Variants in SRPK1 observed in about 807,000 individuals in gnomAD.
The protein encoded by SRPK1 is SFRS protein kinase 1.
In SRPK1, 52 loss-of-function variants were observed where a neutral mutation model predicts 89.5. That is an observed-to-expected ratio of 0.58 (90% CI 0.46 to 0.73). The LOEUF (loss-of-function observed/expected upper bound fraction) is 0.73, where lower values mean the gene tolerates loss of function less well. SRPK1 is among the 30% of genes least tolerant of loss of function. SRPK1 has a pLI of 0.00. For missense variants in SRPK1, 603 were observed against 780.6 expected (o/e 0.77, Z 2.71); for synonymous variants, 255 against 270.2 (o/e 0.94, Z 0.55).
chr6:35,910,274 C>T (rs140375992), intron 2 of SRPK1, among the ~76,000 whole-genome samples: 1 of 152,140 alleles, frequency 6.6e-6, no homozygotes, highest in Non-Finnish European at 1.5e-5. Context: ...TGAGCCACCA[C>T]GCCCAGCTTG....
At chr6:35,847,516 T>A (rs1369524220) in intron 13 of SRPK1, among the ~76,000 whole-genome samples, 1 of 152,116 alleles carries the variant, frequency 6.6e-6, no homozygotes, top group Non-Finnish European at 1.5e-5. Flanking sequence ...CCTGACATGA[T>A]CCTATATATA....
intron 13 of SRPK1, among the ~76,000 whole-genome samples, chr6:35,844,112 C>T (rs988924834): frequency 1.3e-5 from 2 of 148,556 alleles, no homozygotes; most frequent in Non-Finnish European, 3.0e-5. Context: ...TCATGTCATT[C>T]TCCTGCCTCA....
At chr6:35,880,941 G>A (rs1770274750) in intron 6 of SRPK1, among the ~76,000 whole-genome samples, 1 of 151,848 alleles carries the variant, frequency 6.6e-6, no homozygotes. Context: ...AATCTTGAAA[G>A]CATCAAGAAG....
intron 6 of SRPK1, among the ~76,000 whole-genome samples, chr6:35,875,294 T>TCA (rs1770132438): frequency 6.6e-6 from 1 of 151,780 alleles, no homozygotes; most frequent in African/African-American, 2.4e-5. Context: ...TTGGCTCTGT[T>TCA]GCCCAGGCTG....
chr6:35,851,028 C>T (rs1010421396), intron 13 of SRPK1, among the ~76,000 whole-genome samples: 4 of 152,060 alleles, frequency 2.6e-5, no homozygotes, highest in African/African-American at 7.2e-5. Flanking sequence ...CTTAAGACCA[C>T]TCAGGCCACT....
chr6:35,859,599 T>C (rs1259230669), intron 12 of SRPK1, among the ~76,000 whole-genome samples: 1 of 152,208 alleles, frequency 6.6e-6, no homozygotes, highest in Non-Finnish European at 1.5e-5. Flanking sequence ...AAAAAATCTG[T>C]GCATAAGTGG....
At chr6:35,904,343 G>A (rs1770803630) in intron 2 of SRPK1, among the ~76,000 whole-genome samples, 1 of 151,874 alleles carries the variant, frequency 6.6e-6, no homozygotes, top group Non-Finnish European at 1.5e-5. Context: ...TGGAACCATG[G>A]GGCTCTTCCA....
At chr6:35,844,201 C>T (rs1280948016) in intron 13 of SRPK1, among the ~76,000 whole-genome samples, 2 of 151,324 alleles carry the variant, frequency 1.3e-5, no homozygotes, top group African/African-American at 2.4e-5. Flanking sequence ...GACAGGGTTT[C>T]ACCATGTTAG....
intron 13 of SRPK1, among the ~76,000 whole-genome samples, chr6:35,851,704 C>T (rs563838217): frequency 2.0e-5 from 3 of 152,136 alleles, no homozygotes; most frequent in East Asian, 3.9e-4. Flanking sequence ...CAAATGGAGT[C>T]GTCAAGCAGA....
chr6:35,870,268 GTT>G lies in SRPK1; in HGVS notation c.991+11_991+12del. ...TGTGTTGTACAGTAATTTTCGTGAT[GTT>G]CTATTTATACCAAGTTTTTCTTGGG... is the stretch of plus-strand genomic sequence containing the variant. On this transcript the variant is annotated intron_variant, in intron 10 of 15. Coordinates refer to ENST00000373825, the MANE Select transcript of SRPK1 (RefSeq NM_003137.5). 1 of 1,607,260 alleles carries G rather than the reference GTT, an allele frequency of 6.2e-7. No homozygotes were observed. Among genetic ancestry groups the G allele is most frequent in the East Asian group, 2.2e-5 (1 of 44,860 alleles).
chr6:35,857,917 T>C lies in SRPK1; in HGVS notation c.1513-549A>G, dbSNP rs548848715. The stretch of plus-strand genomic sequence containing the variant: ...TACCCTTTGAAGCCCTGGTGTATAC[T>C]AGTTTTCTACCTGAAGTTTTCTCTG... On this transcript the variant is annotated intron_variant, in intron 12 of 15. Transcript: ENST00000373825. Among the ~76,000 whole-genome samples the C allele has an allele frequency of 4.4e-4, 67 of 152,354 alleles. No homozygotes were observed. The South Asian group carries it at 0.013, about 29-fold the overall frequency.
intron 13 of SRPK1, among the ~76,000 whole-genome samples, chr6:35,854,246 TG>T (rs1365894141): frequency 5.3e-5 from 8 of 152,110 alleles, no homozygotes; most frequent in Non-Finnish European, 1.2e-4. Context: ...CCACTACACC[TG>T]GGCCCCCTTT....
At chr6:35,855,695 C>T (rs1769651565) in intron 13 of SRPK1, among the ~76,000 whole-genome samples, 1 of 152,094 alleles carries the variant, frequency 6.6e-6, no homozygotes. Context: ...GTCCCTTGGA[C>T]CATATCTAAG....
In SRPK1 at chr6:35,909,115, C is replaced by T. The variant is rs568730977; in HGVS notation, c.74+11353G>A. 3.3e-5 allele frequency among the ~76,000 whole-genome samples: 5 copies of T among 152,326 alleles called. No homozygotes were observed. In the South Asian group the frequency reaches 1.0e-3, roughly 32 times the overall value. ...GAGCTGTGAGGAGTGGGCCACTGTTCTCCAGACCCCAGAAGGGTAGATCCA... is the reference window on the plus strand; with the variant it reads ...GAGCTGTGAGGAGTGGGCCACTGTTTTCCAGACCCCAGAAGGGTAGATCCA... On this transcript the variant is annotated intron_variant, in intron 2 of 15. Coordinates refer to ENST00000373825, the MANE Select transcript of SRPK1 (RefSeq NM_003137.5).
At chr6:35,907,638 G>A (rs977491076) in intron 2 of SRPK1, among the ~76,000 whole-genome samples, 7 of 152,054 alleles carry the variant, frequency 4.6e-5, no homozygotes, top group African/African-American at 1.7e-4. Context: ...CCGGGAGGCG[G>A]GGGTTGCAGT....
intron 6 of SRPK1, among the ~76,000 whole-genome samples, chr6:35,879,156 G>A (rs922859359): frequency 1.3e-5 from 2 of 152,156 alleles, no homozygotes; most frequent in Admixed American, 6.5e-5. Flanking sequence ...AAGTGACTGC[G>A]CATGCCCAGG....
At chr6:35,903,115 T>C (rs62403668) in intron 2 of SRPK1, among the ~76,000 whole-genome samples, 4 of 151,246 alleles carry the variant, frequency 2.6e-5, no homozygotes, top group Non-Finnish European at 2.9e-5. Context: ...CCTGTCTCTA[T>C]TTAAAAAAAA....
At position 35,833,552 on chromosome 6, in the gene SRPK1, C is replaced by G. The variant is rs1003686135; in HGVS notation, c.*1752G>C. 3.9e-5 allele frequency: 6 copies of G among 152,622 alleles called. No homozygotes were observed. Among genetic ancestry groups the G allele is most frequent in the African/African-American group, 1.4e-4 (6 of 41,438 alleles). 9.5% of individuals were successfully genotyped at this position (152,622 alleles called of 1,614,324 possible). A position where few individuals can be genotyped will look rare whatever the true frequency, so the allele number is the denominator to read the frequency against. The stretch of plus-strand genomic sequence containing the variant: ...TTTCCCTGCCGTTGTTTGATACAAT[C>G]TATTCTCTTGATTCTTGATAGGTGC... On this transcript the variant is annotated 3_prime_UTR_variant, in exon 16 of 16. Transcript: ENST00000373825.
intron 13 of SRPK1, among the ~76,000 whole-genome samples, chr6:35,853,817 G>T (rs985471723): frequency 4.0e-5 from 6 of 151,760 alleles, no homozygotes; most frequent in Non-Finnish European, 8.8e-5. Context: ...GCATTCAAAG[G>T]CCAGAGAAGA....
Sources: allele counts gnomAD v4.1 joint callset (sites outside exome capture counted in the v4.1 genomes callset), GRCh38; gene constraint gnomAD v4.1.1; transcripts MANE v1.5; gene names NCBI Gene and HGNC (gene_info 2026-07-23, HGNC 2026-07-21).